PHF24: variants seen among roughly 807,000 people sequenced by gnomAD.
PHF24 encodes PHD finger protein 24, also known as Galpha inhibitory interacting protein.
Under a neutral mutation model 42.6 loss-of-function variants are expected in PHF24, and 25 were observed. The ratio of observed to expected loss-of-function variants is 0.59; its 90% CI spans 0.43 to 0.82. The LOEUF (loss-of-function observed/expected upper bound fraction) is 0.82. Among genes scored for constraint, PHF24 ranks in the 40% least tolerant of loss-of-function variants. PHF24 has a pLI of 0.00. For missense variants in PHF24, 470 were observed against 538.1 expected, an observed-to-expected ratio of 0.87 and a Z score of 1.25; for synonymous variants, 185 against 204.8, an observed-to-expected ratio of 0.90 and a Z score of 0.83.
the PHF24 span, among the ~76,000 whole-genome samples, chr9:34,851,396 C>T: frequency 6.6e-6 from 1 of 152,158 alleles, no homozygotes; most frequent in East Asian, 1.9e-4. Context: ...GGTGTAGGAC[C>T]CTCCGAGCCA....
chr9:34,687,572 C>T, the PHF24 span, among the ~76,000 whole-genome samples: 4 of 152,238 alleles, frequency 2.6e-5, no homozygotes, highest in African/African-American at 9.6e-5. Context: ...TACCTCCTGG[C>T]GGCAGTGTCA....
chr9:34,856,542 ATGGTTTGC>A, the PHF24 span, among the ~76,000 whole-genome samples: 1 of 152,106 alleles, frequency 6.6e-6, no homozygotes, highest in Non-Finnish European at 1.5e-5. Context: ...TAGGGCTGCT[ATGGTTTGC>A]TGGGTGTGCA....
chr9:34,849,638 G>T, the PHF24 span, among the ~76,000 whole-genome samples: 2 of 152,140 alleles, frequency 1.3e-5, no homozygotes, highest in Non-Finnish European at 2.9e-5. Context: ...ATTTGATCCT[G>T]TCATTATGAT....
At chr9:34,781,172 A>G in the PHF24 span, among the ~76,000 whole-genome samples, 14 of 152,258 alleles carry the variant, frequency 9.2e-5, no homozygotes, top group African/African-American at 2.4e-4. Context: ...ATATTTGTGC[A>G]TAAATGTTTA....
At chr9:34,780,217 A>G in the PHF24 span, among the ~76,000 whole-genome samples, 1 of 152,082 alleles carries the variant, frequency 6.6e-6, no homozygotes, top group African/African-American at 2.4e-5. Flanking sequence ...TCTTAGAAGA[A>G]AATATGGGGA....
the PHF24 span, among the ~76,000 whole-genome samples, chr9:34,933,405 C>G: frequency 6.6e-6 from 1 of 152,074 alleles, no homozygotes; most frequent in African/African-American, 2.4e-5. Flanking sequence ...GATATAGACT[C>G]ACTCTATTAT....
chr9:34,824,885 A>G, the PHF24 span, among the ~76,000 whole-genome samples: 4 of 152,074 alleles, frequency 2.6e-5, no homozygotes, highest in African/African-American at 9.7e-5. Context: ...TGGCCATGTA[A>G]ACATTTTGGA....
the PHF24 span, among the ~76,000 whole-genome samples, chr9:34,698,365 G>A: frequency 1.4e-4 from 22 of 152,206 alleles, no homozygotes; most frequent in East Asian, 2.1e-3. Context: ...AGGGCATAAC[G>A]TTCCAGAGCA....
At chr9:34,973,509 T>C (rs2132914500) in intron 3 of PHF24, among the ~76,000 whole-genome samples, 1 of 152,356 alleles carries the variant, frequency 6.6e-6, no homozygotes. Flanking sequence ...TCACTACACC[T>C]GAATAGAGTT....
At chr9:34,860,159 A>G in the PHF24 span, among the ~76,000 whole-genome samples, 2 of 152,212 alleles carry the variant, frequency 1.3e-5, no homozygotes, top group African/African-American at 2.4e-5. Flanking sequence ...CTGTAAGCTG[A>G]CATTATTGTA....
the PHF24 span, chr9:34,835,647 G>A: frequency 8.4e-6 from 13 of 1,551,508 alleles, no homozygotes; most frequent in Admixed American, 7.9e-5. Flanking sequence ...AAGCTATGGT[G>A]TTTGGGCCCC....
chr9:34,842,349 C>T, the PHF24 span, among the ~76,000 whole-genome samples: 1 of 152,028 alleles, frequency 6.6e-6, no homozygotes, highest in Non-Finnish European at 1.5e-5. Context: ...TGGGTAAATA[C>T]CCAGGAGTAG....
upstream of PHF24, among the ~76,000 whole-genome samples, chr9:34,955,439 A>C (rs1176470071): frequency 3.3e-5 from 5 of 151,998 alleles, no homozygotes; most frequent in Non-Finnish European, 7.4e-5. Flanking sequence ...CACTTTGGGA[A>C]GTCGAGGCAG....
the PHF24 span, among the ~76,000 whole-genome samples, chr9:34,891,952 G>A: frequency 6.6e-6 from 1 of 152,194 alleles, no homozygotes; most frequent in African/African-American, 2.4e-5. Context: ...GAATGTGGGG[G>A]AAAAGGTGGG....
chr9:34,906,076 G>A, the PHF24 span, among the ~76,000 whole-genome samples: 1 of 152,082 alleles, frequency 6.6e-6, no homozygotes, highest in African/African-American at 2.4e-5. Flanking sequence ...AAGGATTAGA[G>A]GGGAGAAACA....
the PHF24 span, among the ~76,000 whole-genome samples, chr9:34,888,115 A>T: frequency 6.6e-6 from 1 of 151,834 alleles, no homozygotes; most frequent in Non-Finnish European, 1.5e-5. Flanking sequence ...AAGCCTCTCT[A>T]CTCCCTACCT....
chr9:34,787,765 T>A, the PHF24 span, among the ~76,000 whole-genome samples: 13 of 152,106 alleles, frequency 8.5e-5, no homozygotes, highest in Admixed American at 3.3e-4. Flanking sequence ...ATGTGCCTTA[T>A]CCTTTCCTTC....
chr9:34,981,383 A>T (rs1827386031), exon 8 of PHF24: 1 of 152,276 alleles, frequency 6.6e-6, no homozygotes. Context: ...CCCCAAGGTT[A>T]TACCCAGGAC....
At chr9:34,684,616 G>T in the PHF24 span, among the ~76,000 whole-genome samples, 1 of 152,182 alleles carries the variant, frequency 6.6e-6, no homozygotes, top group Admixed American at 6.5e-5. Flanking sequence ...AGGAATGGGG[G>T]TTCCTCAACT....
Sources: gnomAD v4.1 joint callset for allele counts (sites outside exome capture counted in the v4.1 genomes callset) on GRCh38, gnomAD v4.1.1 for gene constraint, MANE v1.5 for transcripts, NCBI Gene and HGNC (gene_info 2026-07-23, HGNC 2026-07-21) for gene names.